Variants in DOCK8 observed in about 807,000 individuals in gnomAD.
DOCK8 encodes the protein dedicator of cytokinesis protein 8.
In DOCK8, 141 loss-of-function variants were observed where a neutral mutation model predicts 245.6. The observed-to-expected ratio is 0.57, with a 90% CI of 0.50 to 0.66. The LOEUF (loss-of-function observed/expected upper bound fraction) is 0.66, where lower values mean the gene tolerates loss of function less well. Ranked by LOEUF, DOCK8 falls within the 30% of genes least tolerant of loss-of-function variation. DOCK8 has a pLI of 0.00. For synonymous variants in DOCK8, 1,168 were observed against 970.2 expected, an observed-to-expected ratio of 1.20 and a Z score of -3.79; for missense variants, 2,965 against 2,603.4, an observed-to-expected ratio of 1.14 and a Z score of -3.02.
chr9:277,780 C>T (rs190789398), intron 2 of DOCK8, among the ~76,000 whole-genome samples: 52 of 152,154 alleles, frequency 3.4e-4, no homozygotes, highest in Middle Eastern at 3.4e-3. Flanking sequence ...AAGCCACATC[C>T]TGGATATGTA....
chr9:387,620 G>A (rs2054010065), intron 23 of DOCK8, among the ~76,000 whole-genome samples: 1 of 152,138 alleles, frequency 6.6e-6, no homozygotes, highest in South Asian at 2.1e-4. Context: ...GGAGGGCCGG[G>A]GCCTGGTGCT....
chr9:446,630 A>G, intron 44 of DOCK8, 24 bp downstream of exon 44: 3 of 1,610,868 alleles, frequency 1.9e-6, no homozygotes, highest in Non-Finnish European at 2.5e-6. Context: ...GGGATTGGCC[A>G]CCACTGGATG....
Position 425,405 on chromosome 9 carries a change from G to A in DOCK8, c.4242-1480G>A, listed in dbSNP as rs556979347. Among the ~76,000 whole-genome samples, 49 of 151,996 alleles carry A rather than the reference G, an allele frequency of 3.2e-4. No individual in the cohort carries two copies. The South Asian group carries it at 5.2e-3, about 16-fold the overall frequency. On this transcript the variant is annotated intron_variant, in intron 33 of 47. Coordinates refer to ENST00000432829, the MANE Select transcript of DOCK8 (RefSeq NM_203447.4). ...AAAGTAGCCGGGCGCGGTGGCGGGCGCCTGTAGTCCCAGCTACTCGGGAGG... is the reference window on the plus strand; with the variant it reads ...AAAGTAGCCGGGCGCGGTGGCGGGCACCTGTAGTCCCAGCTACTCGGGAGG...
At chr9:245,211 T>A (rs1014497073) in intron 1 of DOCK8, among the ~76,000 whole-genome samples, 3 of 152,148 alleles carry the variant, frequency 2.0e-5, no homozygotes, top group African/African-American at 7.2e-5. Flanking sequence ...TTTATTCATT[T>A]ATTTATTTTT....
upstream of DOCK8, chr9:214,095 G>T (rs1341167738): frequency 5.0e-6 from 1 of 201,032 alleles, no homozygotes. Flanking sequence ...AGTATATATA[G>T]CACAGGTTAG....
At chr9:450,055 A>C in intron 45 of DOCK8, 128 bp downstream of exon 45, 1 of 1,063,758 alleles carries the variant, frequency 9.4e-7, no homozygotes, top group Non-Finnish European at 1.4e-6. Flanking sequence ...ATGTTCCTAC[A>C]CTTAACCTGA....
At chr9:301,157 T>G (rs1163158456) in intron 4 of DOCK8, among the ~76,000 whole-genome samples, 1 of 152,188 alleles carries the variant, frequency 6.6e-6, no homozygotes, top group Admixed American at 6.5e-5. Flanking sequence ...TCAAGTAGGC[T>G]TTATTCCTGG....
intron 2 of DOCK8, among the ~76,000 whole-genome samples, chr9:280,431 G>A (rs2048528634): frequency 6.6e-6 from 1 of 152,208 alleles, no homozygotes; most frequent in African/African-American, 2.4e-5. Context: ...AATCCATATG[G>A]ATGTGTGTGA....
intron 15 of DOCK8, 113 bp from the exon 16 acceptor site, chr9:370,117 A>T: frequency 1.1e-6 from 1 of 936,730 alleles, no homozygotes; most frequent in Non-Finnish European, 1.7e-6. Flanking sequence ...CAGCACTCTT[A>T]ATTGTACAAA....
intron 2 of DOCK8, among the ~76,000 whole-genome samples, chr9:286,013 CTG>C (rs1249721020): frequency 7.2e-5 from 11 of 152,218 alleles, no homozygotes; most frequent in Non-Finnish European, 1.6e-4. Flanking sequence ...AAAAGAAACA[CTG>C]TGCCTAAACA....
chr9:249,280 C>A (rs1033498575), intron 1 of DOCK8, among the ~76,000 whole-genome samples: 1 of 151,016 alleles, frequency 6.6e-6, no homozygotes, highest in African/African-American at 2.4e-5. Flanking sequence ...TTTTGTCCAA[C>A]AATAAACTCT....
chr9:230,597 C>CTGGTG (rs2047091512), intron 1 of DOCK8, among the ~76,000 whole-genome samples: 1 of 152,050 alleles, frequency 6.6e-6, no homozygotes, highest in African/African-American at 2.4e-5. Context: ...GCCATTCTAA[C>CTGGTG]TGGTGTGAGA....
chr9:303,887 T>C (rs1213359369), intron 4 of DOCK8, among the ~76,000 whole-genome samples: 1 of 152,254 alleles, frequency 6.6e-6, no homozygotes, highest in East Asian at 1.9e-4. Context: ...TAACATGTTT[T>C]CCAAAGATGT....
At chr9:452,369 G>T in intron 46 of DOCK8, 1 of 281,882 alleles carries the variant, frequency 3.5e-6, no homozygotes. Context: ...AACTACTAAT[G>T]AGTAACTAAC....
At chr9:325,554 C>A (rs1039689158) in intron 7 of DOCK8, 117 bp from the exon 8 acceptor site, 4 of 859,710 alleles carry the variant, frequency 4.7e-6, no homozygotes, top group Non-Finnish European at 8.0e-6. Flanking sequence ...TTGGAGTTTT[C>A]CAAATATTTC....
intron 1 of DOCK8, among the ~76,000 whole-genome samples, chr9:256,398 C>T (rs993541954): frequency 4.6e-5 from 7 of 152,150 alleles, no homozygotes; most frequent in Non-Finnish European, 8.8e-5. Context: ...GAACTTGATC[C>T]GGTACCCAAT....
chr9:363,151 A>T (rs1368118944), intron 14 of DOCK8, among the ~76,000 whole-genome samples: 1 of 152,228 alleles, frequency 6.6e-6, no homozygotes, highest in African/African-American at 2.4e-5. Context: ...ATGATTATCA[A>T]ATGTCCAGTT....
chr9:421,017 G>A lies in DOCK8; in HGVS notation c.4092G>A (p.Leu1364=), dbSNP rs374013508. ...AGTCAAGGGATGTCAAGGCCCGGCT[G>A]GAAGAGGCTTTGCTCCGTGGGGAAG... ...LQKSRDVKAR[L]EEALLRGEGA... Residue 1364 remains leucine, a synonymous_variant, in exon 32 of 48, where the codon CTG becomes CTA. Transcript: ENST00000432829. The A allele has an allele frequency of 6.8e-6, 11 of 1,614,108 alleles. No individual in the cohort carries two copies. Among genetic ancestry groups the A allele is most frequent in the African/African-American group, 1.3e-5 (1 of 74,932 alleles).
intron 1 of DOCK8, among the ~76,000 whole-genome samples, chr9:237,387 G>T (rs988590201): frequency 6.6e-6 from 1 of 152,256 alleles, no homozygotes; most frequent in African/African-American, 2.4e-5. Context: ...GGGTGCTGTG[G>T]CTTACGCCTG....
Sources: allele counts gnomAD v4.1 joint callset (sites outside exome capture counted in the v4.1 genomes callset), GRCh38; gene constraint gnomAD v4.1.1; transcripts MANE v1.5; gene names NCBI Gene and HGNC (gene_info 2026-07-23, HGNC 2026-07-21).